CBFA2T3: variants seen among roughly 807,000 people sequenced by gnomAD.
CBFA2T3 encodes CBFA2/RUNX1 partner transcriptional co-repressor 3.
CBFA2T3 carries 31 observed loss-of-function variants against 58.6 expected under a neutral mutation model. That is an observed-to-expected ratio of 0.53 (90% CI 0.40 to 0.71). The LOEUF is 0.71. Ranked by LOEUF, CBFA2T3 falls within the 30% of genes least tolerant of loss-of-function variation. The pLI is 0.00. For synonymous variants in CBFA2T3, 531 were observed against 421.9 expected (o/e 1.26, Z -3.17); for missense variants, 1,076 against 963.1 (o/e 1.12, Z -1.55).
Position 88,881,411 on chromosome 16 carries a change from G to A in CBFA2T3, c.1282C>T (p.Arg428Cys), listed in dbSNP as rs769912125. Residue 428 changes from arginine (R) to cysteine (C), a missense_variant, in exon 9 of 12, where the codon CGC (arginine) becomes TGC (cysteine). Physicochemically the swap from Arg to Cys is radical, Grantham distance 180. Transcript: ENST00000268679. ...CGCGCCCAGTGGTTGAGCTCCTCGCGGTCGGCCTCCTGGCACCTGCGCAGC... is the reference window on the plus strand; with the variant it reads ...CGCGCCCAGTGGTTGAGCTCCTCGCAGTCGGCCTCCTGGCACCTGCGCAGC... ...TVLRRCQEADREELNHWARRY... is the reference protein window; with the variant it reads ...TVLRRCQEADCEELNHWARRY... The A allele has an allele frequency of 1.1e-5, 17 of 1,607,504 alleles. No individual in the cohort carries two copies. The highest frequency in any genetic ancestry group is 5.5e-5 in the South Asian group (5 of 90,574).
chr16:88,885,317 C>CG lies in CBFA2T3; in HGVS notation c.894-49dup. 5 of 1,369,648 alleles carry CG rather than the reference C, an allele frequency of 3.7e-6. No individual in the cohort carries two copies. In the South Asian group the frequency reaches 7.2e-5, roughly 20 times the overall value. 84.8% of individuals were successfully genotyped at this position (1,369,648 alleles called of 1,614,324 possible). The stretch of plus-strand genomic sequence containing the variant: ...CGAGGGCAGTGGACATAGGATGAAC[C>CG]GGGGACAGAGGTGCAGGTGGGGTGA... On this transcript the variant is annotated intron_variant, in intron 6 of 11. Coordinates refer to ENST00000268679, the MANE Select transcript of CBFA2T3 (RefSeq NM_005187.6). The surrounding 1 kb of genome is among the most constrained non-coding windows in gnomAD (Gnocchi z 5.3).
chr16:88,892,021 C>G (rs373194442), intron 4 of CBFA2T3, 50 bp from the exon 5 acceptor site: 233 of 1,496,928 alleles, frequency 1.6e-4, no homozygotes, highest in Non-Finnish European at 2.1e-4. Context: ...GCATGTGAGC[C>G]AGCGCCGACC....
At chr16:88,965,357 T>C (rs898285214) in intron 1 of CBFA2T3, among the ~76,000 whole-genome samples, 1 of 152,214 alleles carries the variant, frequency 6.6e-6, no homozygotes, top group Non-Finnish European at 1.5e-5. Flanking sequence ...ACTGGTAACA[T>C]ATTAGGTATG....
chr16:88,884,970 A>G, intron 7 of CBFA2T3, 76 bp downstream of exon 7: 2 of 1,140,126 alleles, frequency 1.8e-6, no homozygotes, highest in East Asian at 5.3e-5. Flanking sequence ...CTGTGCCCAC[A>G]TGCTCAGGTG....
At chr16:88,976,473 C>A (rs778311721) in intron 1 of CBFA2T3, among the ~76,000 whole-genome samples, 184 bp downstream of exon 1, 1 of 152,236 alleles carries the variant, frequency 6.6e-6, no homozygotes, top group Non-Finnish European at 1.5e-5. Context: ...GCCCACCTGC[C>A]CCAGCTGTGC....
Position 88,947,946 on chromosome 16 carries a change from TG to T in CBFA2T3, c.151+28710del, listed in dbSNP as rs143878037. ...AAAATAAAGATACAAAGTAAATTTT[TG>T]TTGGAAGACATCTCGTAAAAGGAGG... is the stretch of plus-strand genomic sequence containing the variant. On this transcript the variant is annotated intron_variant, in intron 1 of 11. Transcript: ENST00000268679. Among the ~76,000 whole-genome samples, 6 of 152,306 alleles carry T rather than the reference TG, an allele frequency of 3.9e-5. No homozygotes were observed. The East Asian group carries it at 1.2e-3, about 29-fold the overall frequency.
chr16:88,919,628 C>T (rs552770994), intron 1 of CBFA2T3, among the ~76,000 whole-genome samples: 12 of 152,318 alleles, frequency 7.9e-5, no homozygotes, highest in East Asian at 7.7e-4. Flanking sequence ...GCAGGGCAAG[C>T]GCGGGTGTTC....
intron 1 of CBFA2T3, among the ~76,000 whole-genome samples, chr16:88,929,085 A>T (rs941028467): frequency 5.0e-5 from 7 of 139,350 alleles, no homozygotes; most frequent in African/African-American, 1.7e-4. Flanking sequence ...TGCAAAATAG[A>T]CCTGGGATGG....
At chr16:88,879,249 A>C (rs1373772269) in intron 11 of CBFA2T3, 21 bp downstream of exon 11, 11 of 1,572,754 alleles carry the variant, frequency 7.0e-6, no homozygotes, top group Middle Eastern at 1.8e-4. Flanking sequence ...GATGGGTGTC[A>C]GCGTGGCCGG....
chr16:88,966,642 T>G (rs1234004405), intron 1 of CBFA2T3, among the ~76,000 whole-genome samples: 1 of 152,110 alleles, frequency 6.6e-6, no homozygotes, highest in Non-Finnish European at 1.5e-5. Context: ...AAACAAGGAA[T>G]TCCTCCAGGA....
intron 1 of CBFA2T3, among the ~76,000 whole-genome samples, chr16:88,948,051 T>C (rs984689810): frequency 4.6e-5 from 7 of 152,216 alleles, no homozygotes; most frequent in Admixed American, 4.6e-4. Flanking sequence ...TGACATTAAT[T>C]CCATTCCCGT....
chr16:88,971,428 T>A (rs1597802785), intron 1 of CBFA2T3, among the ~76,000 whole-genome samples: 2 of 152,278 alleles, frequency 1.3e-5, no homozygotes, highest in East Asian at 3.9e-4. Context: ...TCAAATGACA[T>A]GGTGACCCAG....
At chr16:88,930,170 C>T (rs920152912) in intron 1 of CBFA2T3, among the ~76,000 whole-genome samples, 2 of 149,198 alleles carry the variant, frequency 1.3e-5, no homozygotes, top group Admixed American at 1.3e-4. Context: ...GCATGGTCCA[C>T]GCAAAAGCTA....
rs1477905836 is a variant in CBFA2T3 at position 88,886,106 on chromosome 16, A to G, written c.748T>C (p.Cys250Arg). 3 of 1,567,334 alleles carry G rather than the reference A, an allele frequency of 1.9e-6. No individual in the cohort carries two copies. Among genetic ancestry groups the G allele is most frequent in the South Asian group, 2.3e-5 (2 of 86,260 alleles). The change falls in exon 6 of 12, where the codon TGT becomes CGT. Residue 250 changes from cysteine (C) to arginine (R), a missense_variant. Cys to Arg is a radical substitution (Grantham distance 180). Coordinates refer to ENST00000268679, the MANE Select transcript of CBFA2T3 (RefSeq NM_005187.6). Reference protein sequence around the residue: ...LPLLQRELLHCARLAKQTPAQ... With the variant: ...LPLLQRELLHRARLAKQTPAQ... ...GGCGTCTGCTTGGCCAGGCGTGCACAGTGCAGGAGCTCCCGCTGCAGCAAG... is the reference window on the plus strand; with the variant it reads ...GGCGTCTGCTTGGCCAGGCGTGCACGGTGCAGGAGCTCCCGCTGCAGCAAG...
At chr16:88,938,253 A>G (rs115474176) in intron 1 of CBFA2T3, 1 of 152,388 alleles carries the variant, frequency 6.6e-6, no homozygotes. Context: ...CAGATCCCCC[A>G]GTCCCTTGGG....
intron 1 of CBFA2T3, among the ~76,000 whole-genome samples, chr16:88,934,169 C>T (rs113205785): frequency 1.5e-5 from 2 of 134,076 alleles, no homozygotes; most frequent in Admixed American, 7.1e-5. Flanking sequence ...ACGGAGGCAC[C>T]GGCGAGAAGG....
At chr16:88,891,648 A>G (rs746778819) in intron 5 of CBFA2T3, among the ~76,000 whole-genome samples, 1 of 152,180 alleles carries the variant, frequency 6.6e-6, no homozygotes, top group Non-Finnish European at 1.5e-5. Flanking sequence ...TCTGGCAACT[A>G]ATTTTCAGGC....
intron 1 of CBFA2T3, 40 bp downstream of exon 1, chr16:88,976,617 C>T (rs1243608066): frequency 1.4e-6 from 2 of 1,475,282 alleles, no homozygotes; most frequent in Non-Finnish European, 1.8e-6. Flanking sequence ...GGCTGCCGCT[C>T]TCTGCCCCCA....
At chr16:88,909,017 G>A (rs115940708) in intron 1 of CBFA2T3, among the ~76,000 whole-genome samples, 1 of 152,252 alleles carries the variant, frequency 6.6e-6, no homozygotes, top group Admixed American at 6.5e-5. Context: ...CCCGGGGAGC[G>A]GGGGGCACCG....
Sources: gnomAD v4.1 joint callset for allele counts (sites outside exome capture counted in the v4.1 genomes callset) on GRCh38, gnomAD v4.1.1 for gene constraint, Gnocchi (gnomAD v3.1) non-coding constraint, MANE v1.5 for transcripts, NCBI Gene and HGNC (gene_info 2026-07-23, HGNC 2026-07-21) for gene names.